Variants in TENM2 observed in about 807,000 individuals in gnomAD.
TENM2 encodes teneurin-2.
Under a neutral mutation model 245.2 loss-of-function variants are expected in TENM2, and 52 were observed. The observed-to-expected ratio is 0.21, with a 90% CI of 0.17 to 0.27. TENM2 has a LOEUF of 0.27. Among genes scored for constraint, TENM2 ranks in the 10% least tolerant of loss-of-function variants. The probability of loss-of-function intolerance (pLI) is 1.00; values close to 1 mark genes in which losing one functional copy is unlikely to be tolerated. For synonymous variants in TENM2, 1,363 were observed against 1,438.9 expected (o/e 0.95, Z 1.19); for missense variants, 3,046 against 3,666.8 (o/e 0.83, Z 4.37).
chr5:167,798,970 A>G (rs1428163806), intron 2 of TENM2, among the ~76,000 whole-genome samples: 1 of 152,214 alleles, frequency 6.6e-6, no homozygotes, highest in African/African-American at 2.4e-5. Context: ...ACTGCCGTCC[A>G]TGAACACCTA....
chr5:168,050,653 A>G lies in TENM2; in HGVS notation c.1309+3104A>G, dbSNP rs144320185. 1.6e-3 allele frequency among the ~76,000 whole-genome samples: 246 copies of G among 152,332 alleles called. 2 individuals carry two copies. The highest frequency in any genetic ancestry group is 5.3e-3 in the African/African-American group (222 of 41,574). On this transcript the variant is annotated intron_variant, in intron 6 of 28. Transcript: ENST00000518659. ...GTCCCATCTAAGATGGCACATCGAT[A>G]GAGATTTCATTACCTGGTCTTTAGG...
At chr5:167,568,386 G>A (rs559650579) in intron 2 of TENM2, among the ~76,000 whole-genome samples, 29 of 152,180 alleles carry the variant, frequency 1.9e-4, no homozygotes, top group African/African-American at 6.7e-4. Context: ...ATGAATGTAG[G>A]CAAAATTGAA....
the TENM2 span, among the ~76,000 whole-genome samples, chr5:167,258,430 T>G: frequency 3.9e-5 from 6 of 152,090 alleles, no homozygotes; most frequent in East Asian, 9.7e-4. Context: ...CTGTGGTAAA[T>G]GGTTGCATTG....
At chr5:167,941,225 T>C (rs1156574836) in intron 3 of TENM2, among the ~76,000 whole-genome samples, 1 of 152,176 alleles carries the variant, frequency 6.6e-6, no homozygotes, top group Non-Finnish European at 1.5e-5. Context: ...TGATTTTATT[T>C]TAAGGTTTTT....
At chr5:167,497,044 G>A (rs1768865613) in intron 2 of TENM2, among the ~76,000 whole-genome samples, 1 of 151,774 alleles carries the variant, frequency 6.6e-6, no homozygotes. Context: ...GATCAGAAAT[G>A]GTACTGGTTT....
chr5:168,029,111 G>T (rs1215546028), intron 5 of TENM2, among the ~76,000 whole-genome samples: 1 of 152,142 alleles, frequency 6.6e-6, no homozygotes, highest in Admixed American at 6.5e-5. Context: ...TCGATTTCTG[G>T]TTCCTAGATG....
At chr5:167,034,854 C>T in the TENM2 span, among the ~76,000 whole-genome samples, 1 of 152,042 alleles carries the variant, frequency 6.6e-6, no homozygotes, top group Non-Finnish European at 1.5e-5. Flanking sequence ...GATTAGTACT[C>T]TTCTAAGATG....
At chr5:167,059,309 A>G in the TENM2 span, among the ~76,000 whole-genome samples, 1 of 152,192 alleles carries the variant, frequency 6.6e-6, no homozygotes, top group Admixed American at 6.5e-5. Flanking sequence ...ACTTTTTGGA[A>G]TTCATAGTGC....
At chr5:168,248,392 G>T (rs1456019882) in intron 27 of TENM2, 21 bp downstream of exon 29, 1 of 1,598,740 alleles carries the variant, frequency 6.3e-7, no homozygotes, top group Non-Finnish European at 8.5e-7. Context: ...TGCCACCAAA[G>T]GTGGGCAGTG....
At chr5:167,189,452 TTC>T in the TENM2 span, among the ~76,000 whole-genome samples, 1 of 152,118 alleles carries the variant, frequency 6.6e-6, no homozygotes, top group Non-Finnish European at 1.5e-5. Flanking sequence ...AACAGTATGT[TTC>T]TTTTTTCTCT....
intron 28 of TENM2, among the ~76,000 whole-genome samples, chr5:168,261,105 C>T (rs1181806095): frequency 1.3e-5 from 2 of 152,186 alleles, no homozygotes; most frequent in Non-Finnish European, 2.9e-5. Flanking sequence ...AGCGTTCACT[C>T]AGTCCTGCCC....
the TENM2 span, among the ~76,000 whole-genome samples, chr5:167,264,116 A>G: frequency 6.6e-6 from 1 of 152,054 alleles, no homozygotes; most frequent in African/African-American, 2.4e-5. Context: ...AAAAAAAAAA[A>G]AAAAAAAATT....
intron 2 of TENM2, among the ~76,000 whole-genome samples, chr5:167,776,576 C>T (rs761331750): frequency 9.5e-4 from 101 of 106,484 alleles, no homozygotes; most frequent in Admixed American, 1.5e-3. Context: ...GCTTGGGCAG[C>T]AGATGAGACC....
intron 13 of TENM2, among the ~76,000 whole-genome samples, chr5:168,170,488 C>T (rs996284396): frequency 1.3e-5 from 2 of 151,532 alleles, no homozygotes; most frequent in African/African-American, 4.9e-5. Context: ...GCCTGGGTGA[C>T]AGAGCGAGAC....
exon 27 of TENM2, chr5:168,246,826 G>A: frequency 6.2e-7 from 1 of 1,613,862 alleles, no homozygotes; most frequent in Non-Finnish European, 8.5e-7. Flanking sequence ...CCGCCTCCTT[G>A]CCGTCACCAT....
intron 2 of TENM2, among the ~76,000 whole-genome samples, chr5:167,488,159 C>T (rs892916168): frequency 1.3e-5 from 2 of 152,106 alleles, no homozygotes; most frequent in Admixed American, 1.3e-4. Flanking sequence ...TTCTGTCTTT[C>T]TTGGATCTTA....
At chr5:167,004,495 C>T in the TENM2 span, among the ~76,000 whole-genome samples, 1 of 152,080 alleles carries the variant, frequency 6.6e-6, no homozygotes, top group Non-Finnish European at 1.5e-5. Flanking sequence ...ATTTTTATTT[C>T]AGGCAGAAAG....
rs368327770 is a variant in TENM2, at chr5:168,218,633, A to G, written c.4742A>G (p.Asn1581Ser). 1 of 1,613,918 alleles carries G rather than the reference A, an allele frequency of 6.2e-7. No homozygotes were observed. Among genetic ancestry groups the G allele is most frequent in the African/African-American group, 1.3e-5 (1 of 74,932 alleles). Residue 1581 changes from asparagine to serine, a missense_variant, in exon 23 of 29, where the codon AAC (asparagine) becomes AGC (serine). Coordinates refer to ENST00000518659, the Ensembl canonical transcript of TENM2. This position sits in a 1 kb window ranked among gnomAD's most constrained non-coding sequence, Gnocchi z 5.2. ...AACAAGCCTGTTCTTAATGCCTTCA[A>G]CCAGTATGAGGCTGCATCCCCCGGA...
At chr5:167,167,855 C>G in the TENM2 span, among the ~76,000 whole-genome samples, 3 of 152,128 alleles carry the variant, frequency 2.0e-5, no homozygotes, top group African/African-American at 7.2e-5. Context: ...AATTGTCCCT[C>G]TTAGAAGAAG....
Sources: allele counts gnomAD v4.1 joint callset (sites outside exome capture counted in the v4.1 genomes callset), GRCh38; gene constraint gnomAD v4.1.1; non-coding constraint Gnocchi (gnomAD v3.1); transcripts MANE v1.5; gene names NCBI Gene and HGNC (gene_info 2026-07-23, HGNC 2026-07-21).